The following CNNM4 variants were observed in gnomAD, a reference collection of about 807,000 sequenced individuals.
CNNM4 encodes cyclin and CBS domain divalent metal cation transport mediator 4, also known as metal transporter CNNM4.
In CNNM4, 32 loss-of-function variants were observed where a neutral mutation model predicts 53.7. That is an observed-to-expected ratio of 0.60 (90% CI 0.45 to 0.80). The LOEUF is 0.80. CNNM4 is among the 30% of genes least tolerant of loss of function. CNNM4 has a pLI of 0.00. For synonymous variants in CNNM4, 410 were observed against 440.0 expected, an observed-to-expected ratio of 0.93 and a Z score of 0.85; for missense variants, 784 against 1,022.0, an observed-to-expected ratio of 0.77 and a Z score of 3.17.
intron 1 of CNNM4, among the ~76,000 whole-genome samples, chr2:96,781,993 G>A (rs2078979295): frequency 6.6e-6 from 1 of 152,176 alleles, no homozygotes; most frequent in South Asian, 2.1e-4. Flanking sequence ...TATCTGTTGA[G>A]ATGATTGAAT....
chr2:96,761,794 C>T lies in CNNM4; in HGVS notation c.795C>T (p.Ile265=), dbSNP rs772062538. 9 of 1,613,482 alleles carry T rather than the reference C, an allele frequency of 5.6e-6. No homozygotes were observed. In the East Asian group the frequency reaches 6.7e-5, roughly 12 times the overall value. Residue 265 remains isoleucine, a synonymous_variant, in exon 1 of 7, where the codon ATC becomes ATT. Transcript: ENST00000377075. This position sits in a 1 kb window ranked among gnomAD's most constrained non-coding sequence, Gnocchi z 6.0. ...TSLTILLDNL[I]GSGLMAVASS... is the part of the protein sequence containing the mutation. ...TCACAATCCTTCTAGACAACCTCAT[C>T]GGGTCCGGCCTCATGGCGGTGGCCT...
intron 5 of CNNM4, among the ~76,000 whole-genome samples, chr2:96,803,961 C>G (rs2079179888): frequency 6.6e-6 from 1 of 152,070 alleles, no homozygotes; most frequent in South Asian, 2.1e-4. Flanking sequence ...AGCAGTGGTG[C>G]AATCATAGCT....
chr2:96,761,252 A>G lies in CNNM4; in HGVS notation c.253A>G (p.Asn85Asp), dbSNP rs138690324. Residue 85 changes from asparagine to aspartate, a missense_variant, in exon 1 of 7, where the codon AAC becomes GAC. By Grantham distance (23) the Asn-to-Asp change is conservative (BLOSUM62 1). Around this residue, in one of 3 missense-constraint regions of CNNM4, gnomAD observed 473 missense variants for 624.6 expected, o/e 0.76. Transcript: ENST00000377075. This position sits in a 1 kb window ranked among gnomAD's most constrained non-coding sequence, Gnocchi z 6.0. ...NLRLYGYSLGNISSNLISFTE... is the reference protein window; with the variant it reads ...NLRLYGYSLGDISSNLISFTE... ...GAGGCTGTACGGCTACAGCCTGGGC[A>G]ACATCTCCAGCAACCTGATCTCCTT... 4.8e-5 allele frequency: 77 copies of G among 1,614,110 alleles called. 1 individual carries two copies. In the Admixed American group the frequency reaches 9.7e-4, roughly 20 times the overall value.
intron 4 of CNNM4, 62 bp from the exon 5 acceptor site, chr2:96,799,490 C>A: frequency 7.0e-7 from 1 of 1,434,006 alleles, no homozygotes; most frequent in Non-Finnish European, 9.6e-7. Flanking sequence ...CACTCCCCAT[C>A]CTGCCTCATC....
chr2:96,761,041 G>T lies in CNNM4; in HGVS notation c.42G>T (p.Pro14=), dbSNP rs937241546. 2.4e-6 allele frequency: 3 copies of T among 1,227,410 alleles called. No individual in the cohort carries two copies. The allele number at this position is 1,227,410 out of a possible 1,614,324, so 76.0% of individuals were successfully genotyped here. ...GGGGCGGGCGCCCGGTCGGCGGACC[G>T]GCCCGCGGGCGCCTCCTCCTGGCGG... The part of the protein sequence containing the change: ...VGGGGRPVGG[P]ARGRLLLAAP... Residue 14 remains proline, a synonymous_variant, in exon 1 of 7, where the codon CCG becomes CCT. Transcript: ENST00000377075. The surrounding 1 kb of genome is among the most constrained non-coding windows in gnomAD (Gnocchi z 6.0).
intron 1 of CNNM4, among the ~76,000 whole-genome samples, chr2:96,769,210 C>T (rs904538259): frequency 1.3e-5 from 2 of 151,126 alleles, no homozygotes; most frequent in Non-Finnish European, 2.9e-5. Flanking sequence ...GAGATCGCGC[C>T]ACTGCACTCC....
At chr2:96,803,446 C>T (rs756116433) in intron 5 of CNNM4, among the ~76,000 whole-genome samples, 23 of 152,092 alleles carry the variant, frequency 1.5e-4, no homozygotes, top group Admixed American at 1.3e-4. Flanking sequence ...TGCAGTTGGC[C>T]GTGCGCGGTG....
At chr2:96,793,918 GTAC>G (rs1275383166) in intron 1 of CNNM4, among the ~76,000 whole-genome samples, 1 of 152,136 alleles carries the variant, frequency 6.6e-6, no homozygotes, top group East Asian at 1.9e-4. Context: ...TTGTACCACT[GTAC>G]TCCAGCCTGG....
intron 5 of CNNM4, among the ~76,000 whole-genome samples, chr2:96,802,839 G>A (rs575677835): frequency 1.4e-3 from 212 of 152,248 alleles, no homozygotes; most frequent in Non-Finnish European, 2.3e-3. Context: ...TGGGAATAGG[G>A]TCAGACTCAT....
chr2:96,804,101 C>A (rs2079181150), intron 5 of CNNM4, among the ~76,000 whole-genome samples: 1 of 151,734 alleles, frequency 6.6e-6, no homozygotes, highest in South Asian at 2.1e-4. Flanking sequence ...GGGGGTCTCA[C>A]TATGTTGTCC....
chr2:96,806,090 A>C (rs1276455249), intron 5 of CNNM4, among the ~76,000 whole-genome samples: 8,879 of 142,720 alleles, frequency 0.062, 945 homozygotes, highest in African/African-American at 0.24. Flanking sequence ...GACCCCCCCC[A>C]ACCTCCCTCC....
At chr2:96,802,445 C>T (rs532694787) in intron 5 of CNNM4, among the ~76,000 whole-genome samples, 61 of 152,356 alleles carry the variant, frequency 4.0e-4, no homozygotes, top group African/African-American at 1.5e-3. Flanking sequence ...AAAGACTTTC[C>T]GATTTTCTTC....
At chr2:96,787,191 G>A in intron 1 of CNNM4, among the ~76,000 whole-genome samples, 1 of 152,190 alleles carries the variant, frequency 6.6e-6, no homozygotes, top group East Asian at 1.9e-4. Flanking sequence ...TGGGAGAAAT[G>A]GCAGAGTCCA....
At chr2:96,762,840 C>T (rs1188799142) in intron 1 of CNNM4, among the ~76,000 whole-genome samples, 1 of 152,068 alleles carries the variant, frequency 6.6e-6, no homozygotes, top group Non-Finnish European at 1.5e-5. Context: ...CTGCTTGAGG[C>T]AGAGGGAACC....
intron 1 of CNNM4, among the ~76,000 whole-genome samples, chr2:96,785,154 A>G (rs2079005921): frequency 6.6e-6 from 1 of 152,092 alleles, no homozygotes; most frequent in African/African-American, 2.4e-5. Flanking sequence ...CTGGGATTAC[A>G]GGCATGAGCC....
chr2:96,799,811 G>A (rs961026922), intron 5 of CNNM4, among the ~76,000 whole-genome samples, 163 bp downstream of exon 5: 1 of 152,192 alleles, frequency 6.6e-6, no homozygotes, highest in Non-Finnish European at 1.5e-5. Flanking sequence ...AGCGGGTGGT[G>A]TGGAAGAGCA....
At chr2:96,799,031 G>A (rs2079132833) in intron 3 of CNNM4, 26 bp from the exon 4 acceptor site, 2 of 1,612,910 alleles carry the variant, frequency 1.2e-6, no homozygotes, top group Non-Finnish European at 1.7e-6. Context: ...AGCCCCGTGT[G>A]AGGTCTCTTC....
intron 1 of CNNM4, among the ~76,000 whole-genome samples, chr2:96,766,452 T>C (rs952205542): frequency 6.6e-6 from 1 of 152,146 alleles, no homozygotes; most frequent in African/African-American, 2.4e-5. Context: ...GGCTGGAATA[T>C]TCTTCTCCAG....
chr2:96,778,265 T>G (rs927722452), intron 1 of CNNM4, among the ~76,000 whole-genome samples: 2 of 151,678 alleles, frequency 1.3e-5, no homozygotes, highest in African/African-American at 4.8e-5. Context: ...CTTTAAAAAT[T>G]TATTCCTAGG....
Sources: gnomAD v4.1 joint callset for allele counts (sites outside exome capture counted in the v4.1 genomes callset) on GRCh38, gnomAD v4.1.1 for gene constraint, gnomAD v4.1.1 regional missense constraint, Gnocchi (gnomAD v3.1) non-coding constraint, MANE v1.5 for transcripts, NCBI Gene and HGNC (gene_info 2026-07-23, HGNC 2026-07-21) for gene names.